Variants in MGMT observed in about 807,000 individuals in gnomAD.
The protein encoded by MGMT is O-6-methylguanine-DNA methyltransferase, also known as methylated-DNA--protein-cysteine methyltransferase.
MGMT carries 14 observed loss-of-function variants against 15.9 expected under a neutral mutation model. That is an observed-to-expected ratio of 0.88 (90% CI 0.58 to 1.37). MGMT has a LOEUF of 1.37. MGMT is among the 40% of genes most tolerant of loss of function. MGMT has a pLI of 0.00. For synonymous variants in MGMT, 130 were observed against 118.2 expected (o/e 1.10, Z -0.65); for missense variants, 282 against 268.1 (o/e 1.05, Z -0.36).
rs141944194 is a variant in MGMT at position 129,492,529 on chromosome 10, A to G, written c.-13+25233A>G. On this transcript the variant is annotated intron_variant, in intron 1 of 4. Transcript: ENST00000651593. ...TCTCTAGGCTCATGAACGCAGCCCC[A>G]TAGGATAGCAAATTGATTGCACTTT... 3.6e-3 allele frequency among the ~76,000 whole-genome samples: 550 copies of G among 152,278 alleles called. 4 individuals carry two copies. Among genetic ancestry groups the G allele is most frequent in the African/African-American group, 0.013 (530 of 41,544 alleles).
chr10:129,607,418 A>T (rs902843382), intron 2 of MGMT, among the ~76,000 whole-genome samples: 2 of 152,198 alleles, frequency 1.3e-5, no homozygotes, highest in Admixed American at 6.5e-5. Context: ...GTCTAGGCCA[A>T]TTGACTCTGT....
At chr10:129,589,521 T>C (rs892691794) in intron 2 of MGMT, among the ~76,000 whole-genome samples, 2 of 152,264 alleles carry the variant, frequency 1.3e-5, no homozygotes, top group Non-Finnish European at 2.9e-5. Flanking sequence ...TTGTGGCCTC[T>C]ACTAAATATA....
intron 3 of MGMT, among the ~76,000 whole-genome samples, chr10:129,735,431 T>C (rs1041539527): frequency 2.6e-5 from 4 of 152,222 alleles, no homozygotes; most frequent in Admixed American, 6.5e-5. Context: ...TTTTATTGCG[T>C]CTATTTGATT....
At chr10:129,613,239 A>G (rs1487551058) in intron 2 of MGMT, among the ~76,000 whole-genome samples, 3 of 152,224 alleles carry the variant, frequency 2.0e-5, no homozygotes, top group African/African-American at 2.4e-5. Flanking sequence ...GCTATGCAGA[A>G]TAAAACCAAG....
At chr10:129,567,666 C>T (rs1056583426) in intron 2 of MGMT, among the ~76,000 whole-genome samples, 2 of 152,070 alleles carry the variant, frequency 1.3e-5, no homozygotes, top group East Asian at 1.9e-4. Context: ...TTACTGGTGT[C>T]GGAGTTTTAA....
chr10:129,490,152 A>G (rs994564948), intron 1 of MGMT, among the ~76,000 whole-genome samples: 2 of 152,074 alleles, frequency 1.3e-5, no homozygotes, highest in African/African-American at 4.8e-5. Flanking sequence ...GAAACAAAAA[A>G]TTGTCAGAAA....
intron 2 of MGMT, among the ~76,000 whole-genome samples, chr10:129,584,590 C>G (rs754797217): frequency 6.6e-6 from 1 of 152,150 alleles, no homozygotes; most frequent in Non-Finnish European, 1.5e-5. Context: ...AAATCTCCCT[C>G]TTCCCCACTG....
intron 2 of MGMT, among the ~76,000 whole-genome samples, chr10:129,657,728 C>CACACACACA (rs1554874807): frequency 4.4e-5 from 6 of 136,154 alleles, no homozygotes; most frequent in Non-Finnish European, 6.5e-5. Flanking sequence ...CACACACACA[C>CACACACACA]CCCCTCTCCC....
At position 129,536,226 on chromosome 10, in the gene MGMT, A is replaced by G. The variant is rs1357535548; in HGVS notation, c.-12-15A>G. On this transcript the variant is annotated splice_polypyrimidine_tract_variant and intron_variant, in intron 1 of 4. Coordinates refer to ENST00000651593, the MANE Select transcript of MGMT (RefSeq NM_002412.5). ...CTTACCTATACACTTTGTCTTAAAA[A>G]TTATTTCTGTTTAGGTACTTGGAAA... 4.3e-6 allele frequency: 7 copies of G among 1,613,660 alleles called. No individual in the cohort carries two copies. The highest frequency in any genetic ancestry group is 1.1e-5 in the South Asian group (1 of 90,920).
At chr10:129,763,534 G>A (rs1299437209) in intron 4 of MGMT, among the ~76,000 whole-genome samples, 6 of 152,200 alleles carry the variant, frequency 3.9e-5, no homozygotes, top group Admixed American at 1.3e-4. Flanking sequence ...GAGGGAGAGG[G>A]AGACATGTTT....
chr10:129,670,805 A>G (rs921061795), intron 2 of MGMT, among the ~76,000 whole-genome samples: 1 of 152,220 alleles, frequency 6.6e-6, no homozygotes, highest in Non-Finnish European at 1.5e-5. Context: ...GGAATTCGTA[A>G]CTTAGTTGCT....
At chr10:129,534,109 A>G (rs1235187434) in intron 1 of MGMT, among the ~76,000 whole-genome samples, 1 of 152,202 alleles carries the variant, frequency 6.6e-6, no homozygotes. Context: ...TTTATCCTAC[A>G]GACAAAGACA....
At chr10:129,731,558 G>C (rs1848498456) in intron 3 of MGMT, among the ~76,000 whole-genome samples, 1 of 151,722 alleles carries the variant, frequency 6.6e-6, no homozygotes, top group Non-Finnish European at 1.5e-5. Context: ...ACCACACCCG[G>C]CTGATTTTAG....
At chr10:129,652,260 G>C (rs1053292999) in intron 2 of MGMT, among the ~76,000 whole-genome samples, 2 of 152,192 alleles carry the variant, frequency 1.3e-5, no homozygotes, top group African/African-American at 2.4e-5. Flanking sequence ...CTTCAGAACT[G>C]GGGGGCTCGG....
At position 129,501,204 on chromosome 10, in the gene MGMT, CATGT is replaced by C. The variant is rs1845571227; in HGVS notation, c.-13+33910_-13+33913del. Among the ~76,000 whole-genome samples the C allele has an allele frequency of 2.6e-5, 4 of 152,284 alleles. 1 individual carries two copies. In the South Asian group the frequency reaches 8.3e-4, roughly 32 times the overall value. On this transcript the variant is annotated intron_variant, in intron 1 of 4. Transcript: ENST00000651593. ...GCAGTGGCTGGAGGTGAGAGGTGTC[CATGT>C]ACTCACTTGTTCAAAGTTGCCCCCT...
intron 2 of MGMT, among the ~76,000 whole-genome samples, chr10:129,635,595 TG>T (rs1847256485): frequency 6.6e-6 from 1 of 152,250 alleles, no homozygotes; most frequent in South Asian, 2.1e-4. Context: ...ACAGAAGTGC[TG>T]GGGTGTTTTT....
chr10:129,622,526 A>T (rs1039250605), intron 2 of MGMT, among the ~76,000 whole-genome samples: 1 of 152,234 alleles, frequency 6.6e-6, no homozygotes, highest in Admixed American at 6.5e-5. Context: ...GTATGACTTC[A>T]CATAGGTGAG....
In MGMT at chr10:129,770,484, T is replaced by A. The variant is rs117519922; in HGVS notation, c.*3487T>A. Among the ~76,000 whole-genome samples the A allele has an allele frequency of 0.04, 6,032 of 152,272 alleles. 200 individuals are homozygous for A. The highest frequency in any genetic ancestry group is 0.059 in the Non-Finnish European group (4,005 of 68,004). ...CCCTGGGGGCCACGTCCCCTCCCGGTCTCATCTGCCGCTTGCTCACCTTGG... is the reference window on the plus strand; with the variant it reads ...CCCTGGGGGCCACGTCCCCTCCCGGACTCATCTGCCGCTTGCTCACCTTGG... On this transcript the variant is annotated 3_prime_UTR_variant, in exon 5 of 5. Transcript: ENST00000651593.
At chr10:129,743,973 G>T (rs1564782546) in intron 3 of MGMT, among the ~76,000 whole-genome samples, 1 of 152,224 alleles carries the variant, frequency 6.6e-6, no homozygotes, top group Non-Finnish European at 1.5e-5. Context: ...GCCTGGCTGG[G>T]ATGGGATGAC....
Sources: allele counts gnomAD v4.1 joint callset (sites outside exome capture counted in the v4.1 genomes callset), GRCh38; gene constraint gnomAD v4.1.1; transcripts MANE v1.5; gene names NCBI Gene and HGNC (gene_info 2026-07-23, HGNC 2026-07-21).